FBXL17: variants seen among roughly 807,000 people sequenced by gnomAD.
FBXL17 encodes the protein F-box/LRR-repeat protein 17.
A neutral mutation model predicts 66.2 loss-of-function variants in FBXL17; 22 were observed. The ratio of observed to expected loss-of-function variants is 0.33; its 90% CI spans 0.24 to 0.47. FBXL17 has a LOEUF of 0.47. Among genes scored for constraint, FBXL17 ranks in the 20% least tolerant of loss-of-function variants. The pLI is 1.00. For synonymous variants in FBXL17, 474 were observed against 400.5 expected (o/e 1.18, Z -2.19); for missense variants, 878 against 948.2 (o/e 0.93, Z 0.97).
intron 7 of FBXL17, among the ~76,000 whole-genome samples, chr5:107,921,384 G>A (rs1750312732): frequency 6.6e-6 from 1 of 152,122 alleles, no homozygotes; most frequent in Non-Finnish European, 1.5e-5. Flanking sequence ...CCATATATTT[G>A]CATGTAAAGT....
At chr5:108,054,060 A>G (rs1427431556) in intron 6 of FBXL17, among the ~76,000 whole-genome samples, 1 of 152,084 alleles carries the variant, frequency 6.6e-6, no homozygotes, top group East Asian at 1.9e-4. Context: ...GTGTGGAACA[A>G]TGAGAACACA....
chr5:108,356,359 C>T (rs1489257903), intron 3 of FBXL17, among the ~76,000 whole-genome samples: 1 of 152,058 alleles, frequency 6.6e-6, no homozygotes, highest in Non-Finnish European at 1.5e-5. Flanking sequence ...AAAAATTATG[C>T]CCATGCAAAA....
At chr5:108,312,912 AG>A (rs1759191738) in intron 4 of FBXL17, among the ~76,000 whole-genome samples, 1 of 152,166 alleles carries the variant, frequency 6.6e-6, no homozygotes, top group Non-Finnish European at 1.5e-5. Flanking sequence ...TCCTATTTTT[AG>A]GTTAGACTGA....
chr5:107,871,398 C>G (rs1354698094), intron 8 of FBXL17, among the ~76,000 whole-genome samples: 2 of 152,188 alleles, frequency 1.3e-5, no homozygotes, highest in Non-Finnish European at 2.9e-5. Flanking sequence ...AGAATTGGGG[C>G]TTGCTAACCT....
intron 6 of FBXL17, among the ~76,000 whole-genome samples, chr5:108,179,731 C>T (rs2150025312): frequency 1.3e-5 from 2 of 152,308 alleles, no homozygotes; most frequent in Middle Eastern, 3.4e-3. Flanking sequence ...AAGCTGCATT[C>T]TGTCTCCGTC....
At chr5:108,299,832 G>C in intron 4 of FBXL17, 3 of 984,686 alleles carry the variant, frequency 3.0e-6, no homozygotes, top group Non-Finnish European at 3.6e-6. Flanking sequence ...AATGTCAGTC[G>C]AGAATCTGAA....
At chr5:108,367,533 T>G (rs1393577323) in intron 2 of FBXL17, among the ~76,000 whole-genome samples, 2 of 152,078 alleles carry the variant, frequency 1.3e-5, no homozygotes, top group African/African-American at 4.8e-5. Context: ...AAACTATTTG[T>G]AGTATGATCC....
rs1307575597 is a variant in FBXL17, at chr5:107,861,845, C to T, written c.1981G>A (p.Val661Met). 3 of 1,538,080 alleles carry T rather than the reference C, an allele frequency of 2.0e-6. No individual in the cohort carries two copies. The highest frequency in any genetic ancestry group is 1.4e-5 in the African/African-American group (1 of 72,014). Residue 661 changes from valine (V) to methionine (M), a missense_variant, in exon 9 of 9, where the codon GTG becomes ATG. Physicochemically the swap from Val to Met is conservative, Grantham distance 21 (BLOSUM62 1). Transcript: ENST00000542267. ...GGGTACTGCTGCACCAGCTGTTCCA[C>T]CGTCACTTCGTTGACCTGCAAACAA... ...MRCDKVNEVT[V>M]EQLVQQYPHI...
chr5:108,015,447 C>T (rs1411851883), intron 7 of FBXL17, among the ~76,000 whole-genome samples: 4 of 151,858 alleles, frequency 2.6e-5, no homozygotes, highest in Non-Finnish European at 5.9e-5. Context: ...TCTTACCTAG[C>T]AATCTTGGAG....
At chr5:108,126,354 C>T (rs1442266130) in intron 6 of FBXL17, among the ~76,000 whole-genome samples, 2 of 152,136 alleles carry the variant, frequency 1.3e-5, no homozygotes, top group South Asian at 2.1e-4. Context: ...CCTCTATTTT[C>T]ATTTAAGATT....
At chr5:107,934,656 T>A (rs1183032463) in intron 7 of FBXL17, among the ~76,000 whole-genome samples, 1 of 152,136 alleles carries the variant, frequency 6.6e-6, no homozygotes, top group Non-Finnish European at 1.5e-5. Context: ...GGTTACCATA[T>A]CTGAAAAGTA....
chr5:107,861,839 G>C lies in FBXL17; in HGVS notation c.1987C>G (p.Gln663Glu). Residue 663 changes from glutamine to glutamate, a missense_variant, in exon 9 of 9, where the codon CAG becomes GAG. Transcript: ENST00000542267. Reference sequence around the variant, plus strand: ...ATGTGGGGGTACTGCTGCACCAGCTGTTCCACCGTCACTTCGTTGACCTGC... The same window carrying C: ...ATGTGGGGGTACTGCTGCACCAGCTCTTCCACCGTCACTTCGTTGACCTGC... ...CDKVNEVTVEQLVQQYPHITF... is the reference protein window; with the variant it reads ...CDKVNEVTVEELVQQYPHITF... 6.5e-7 allele frequency: 1 copy of C among 1,546,424 alleles called. No individual in the cohort carries two copies.
intron 6 of FBXL17, among the ~76,000 whole-genome samples, chr5:108,106,080 G>GTGAGTAAA (rs1749784228): frequency 1.5e-4 from 23 of 152,256 alleles, no homozygotes; most frequent in Admixed American, 7.2e-4. Flanking sequence ...AGCAGTAAGT[G>GTGAGTAAA]CTAAACTGGG....
At chr5:107,971,139 G>A (rs1211789612) in intron 7 of FBXL17, among the ~76,000 whole-genome samples, 3 of 152,128 alleles carry the variant, frequency 2.0e-5, no homozygotes, top group Non-Finnish European at 4.4e-5. Flanking sequence ...TTTGCTTACC[G>A]TTTCTTTCTG....
chr5:107,908,008 T>A (rs1749821589), intron 7 of FBXL17, among the ~76,000 whole-genome samples: 1 of 152,190 alleles, frequency 6.6e-6, no homozygotes, highest in African/African-American at 2.4e-5. Context: ...ATGTTTATTG[T>A]GGCATTATTC....
At chr5:108,214,411 A>G (rs946227609) in intron 5 of FBXL17, among the ~76,000 whole-genome samples, 8 of 146,706 alleles carry the variant, frequency 5.5e-5, no homozygotes, top group African/African-American at 2.0e-4. Flanking sequence ...TCTGTCGCCC[A>G]GGCCAGAATG....
intron 4 of FBXL17, among the ~76,000 whole-genome samples, chr5:108,331,715 G>A (rs1400425340): frequency 6.6e-6 from 1 of 152,086 alleles, no homozygotes; most frequent in Non-Finnish European, 1.5e-5. Flanking sequence ...ATTCCAAACT[G>A]GGAAATGGCT....
At chr5:108,041,073 G>A (rs1039685906) in intron 6 of FBXL17, among the ~76,000 whole-genome samples, 1 of 152,118 alleles carries the variant, frequency 6.6e-6, no homozygotes, top group East Asian at 1.9e-4. Context: ...GACTTCATGG[G>A]ATTGTTGGGA....
intron 7 of FBXL17, among the ~76,000 whole-genome samples, chr5:107,915,941 T>C (rs1296080173): frequency 1.3e-5 from 2 of 152,244 alleles, no homozygotes; most frequent in East Asian, 1.9e-4. Flanking sequence ...AGTAGGCACC[T>C]TGGACTTCTC....
Sources: allele counts gnomAD v4.1 joint callset (sites outside exome capture counted in the v4.1 genomes callset), GRCh38; gene constraint gnomAD v4.1.1; transcripts MANE v1.5; gene names NCBI Gene and HGNC (gene_info 2026-07-23, HGNC 2026-07-21).